Variants in EIF2S1 observed in about 807,000 individuals in gnomAD.
EIF2S1 encodes eukaryotic translation initiation factor 2 subunit 1.
EIF2S1 carries 5 observed loss-of-function variants against 33.5 expected under a neutral mutation model. The observed-to-expected ratio is 0.15, with a 90% CI of 0.08 to 0.31. The LOEUF (loss-of-function observed/expected upper bound fraction) is 0.31, where lower values mean the gene tolerates loss of function less well. Among genes scored for constraint, EIF2S1 ranks in the 10% least tolerant of loss-of-function variants. The pLI is 1.00. For missense variants in EIF2S1, 191 were observed against 384.6 expected (o/e 0.50, Z 4.21); for synonymous variants, 99 against 127.5 (o/e 0.78, Z 1.51).
At chr14:67,381,787 A>G (rs994597930) in intron 6 of EIF2S1, 97 bp downstream of exon 6, 5 of 870,174 alleles carry the variant, frequency 5.7e-6, no homozygotes, top group African/African-American at 5.1e-5. Context: ...ATCACATTTC[A>G]TAACAAAAGT....
At chr14:67,364,398 G>A (rs1028067825) in intron 1 of EIF2S1, 1 of 179,676 alleles carries the variant, frequency 5.6e-6, no homozygotes, top group Non-Finnish European at 1.2e-5. Context: ...TTTCTGATTA[G>A]TTATAATAGT....
chr14:67,379,258 A>G (rs192334076), intron 4 of EIF2S1, among the ~76,000 whole-genome samples: 32 of 152,354 alleles, frequency 2.1e-4, no homozygotes, highest in African/African-American at 6.0e-4. Context: ...GATTGATTAT[A>G]TATCTTTAAA....
intron 1 of EIF2S1, among the ~76,000 whole-genome samples, chr14:67,362,086 A>G (rs2085746625): frequency 6.9e-6 from 1 of 145,668 alleles, no homozygotes; most frequent in Non-Finnish European, 1.5e-5. Flanking sequence ...TAGTGGCACG[A>G]TCTCAGCTCA....
intron 2 of EIF2S1, among the ~76,000 whole-genome samples, chr14:67,372,594 G>T (rs762883476): frequency 2.6e-5 from 4 of 152,194 alleles, no homozygotes; most frequent in African/African-American, 4.8e-5. Context: ...ACTTTGGGAG[G>T]CCAAGGTGGG....
At chr14:67,365,322 T>C (rs764656974) in intron 2 of EIF2S1, among the ~76,000 whole-genome samples, 10 of 152,218 alleles carry the variant, frequency 6.6e-5, no homozygotes, top group Non-Finnish European at 1.3e-4. Context: ...TACTAGTTCA[T>C]TTACATTGGT....
intron 2 of EIF2S1, among the ~76,000 whole-genome samples, chr14:67,372,523 G>A (rs1029654907): frequency 2.0e-5 from 3 of 152,068 alleles, no homozygotes; most frequent in African/African-American, 7.2e-5. Context: ...AAAAACTCTT[G>A]AACAACCTAA....
At chr14:67,376,057 T>A (rs1298831869) in intron 3 of EIF2S1, among the ~76,000 whole-genome samples, 1 of 152,220 alleles carries the variant, frequency 6.6e-6, no homozygotes, top group African/African-American at 2.4e-5. Flanking sequence ...AAAAAAAATT[T>A]TTTTTATCGT....
rs537072424 is a variant in EIF2S1, at chr14:67,383,052, T to C, written c.823-263T>C. 1.1e-4 allele frequency among the ~76,000 whole-genome samples: 16 copies of C among 152,250 alleles called. No individual in the cohort carries two copies. In the South Asian group the frequency reaches 3.3e-3, roughly 32 times the overall value. On this transcript the variant is annotated intron_variant, in intron 7 of 7. Coordinates refer to ENST00000256383, the MANE Select transcript of EIF2S1 (RefSeq NM_004094.5). ...AGATACAGCCATTGGGGTTATTTCA[T>C]GTTTTCAGTTTTAGCTTATAAAAAT...
chr14:67,380,533 CTTAACTATTATATGCA>C, intron 4 of EIF2S1, 110 bp from the exon 5 acceptor site: 2 of 440,454 alleles, frequency 4.5e-6, no homozygotes, highest in South Asian at 1.0e-4. Flanking sequence ...ACACTAAAGC[CTTAACTATTATATGCA>C]TTAACTATTA....
intron 6 of EIF2S1, among the ~76,000 whole-genome samples, chr14:67,382,169 A>G (rs780115505): frequency 2.0e-5 from 3 of 152,044 alleles, no homozygotes; most frequent in East Asian, 1.9e-4. Context: ...TTAGCCACCA[A>G]AGATACACGG....
intron 2 of EIF2S1, among the ~76,000 whole-genome samples, chr14:67,365,500 T>C (rs2141128483): frequency 6.6e-6 from 1 of 152,358 alleles, no homozygotes; most frequent in Non-Finnish European, 1.5e-5. Flanking sequence ...CAACATTGTA[T>C]ATCTTGCTGG....
intron 2 of EIF2S1, among the ~76,000 whole-genome samples, chr14:67,372,568 C>T (rs990293074): frequency 6.6e-6 from 1 of 152,172 alleles, no homozygotes; most frequent in African/African-American, 2.4e-5. Context: ...CGGTGGCTCA[C>T]GCCTGTTATC....
chr14:67,371,529 A>T (rs2085821466), intron 2 of EIF2S1, among the ~76,000 whole-genome samples: 1 of 152,188 alleles, frequency 6.6e-6, no homozygotes, highest in South Asian at 2.1e-4. Flanking sequence ...AATTTCATAG[A>T]GTGTGCTGCT....
intron 1 of EIF2S1, chr14:67,360,719 C>T (rs2085730446): frequency 6.5e-6 from 1 of 152,850 alleles, no homozygotes; most frequent in Admixed American, 6.5e-5. Flanking sequence ...TGTACAGCCT[C>T]TACAATATGC....
rs571970152 is a variant in EIF2S1, at chr14:67,361,612, C to T, written c.-2+1156C>T. ...TCTATATCCATTATAGCAGTTTGAC[C>T]ATGCACTGTTTTGAGAAAGAAGTCC... On this transcript the variant is annotated intron_variant, in intron 1 of 7. Transcript: ENST00000256383. Among the ~76,000 whole-genome samples, 188 of 152,294 alleles carry T rather than the reference C, an allele frequency of 1.2e-3. 2 individuals carry two copies. Among genetic ancestry groups the T allele is most frequent in the Non-Finnish European group, 1.7e-3 (114 of 68,024 alleles).
chr14:67,364,987 A>C lies in EIF2S1; in HGVS notation c.220A>C (p.Ile74Leu). The change falls in exon 2 of 8, where the codon ATT becomes CTT. Residue 74 changes from isoleucine (I) to leucine (L), a missense_variant. Physicochemically the swap from Ile to Leu is conservative, Grantham distance 5. Transcript: ENST00000256383. ...RIGRNECVVV[I>L]RVDKEKGYID... The stretch of plus-strand genomic sequence containing the variant: ...TGGCAGGAATGAGTGTGTGGTTGTC[A>C]TTAGGGTGGACAAAGAAAAAGGTAA... 1 of 1,607,898 alleles carries C rather than the reference A, an allele frequency of 6.2e-7. No homozygotes were observed. Among genetic ancestry groups the C allele is most frequent in the Non-Finnish European group, 8.5e-7 (1 of 1,176,698 alleles).
chr14:67,382,819 A>G (rs1418830771), intron 7 of EIF2S1: 1 of 538,964 alleles, frequency 1.9e-6, no homozygotes, highest in Non-Finnish European at 3.3e-6. Context: ...GGCATGTCTA[A>G]AATTTGATCT....
At position 67,384,491 on chromosome 14, in the gene EIF2S1, GTTGCT is replaced by G. The variant is rs1244518214; in HGVS notation, c.*1055_*1059del. ...AGTAGTCAGGTGTAGAAAATCTTGA[GTTGCT>G]TTGGTCTGCTTGTCTTCATAAATTT... On this transcript the variant is annotated 3_prime_UTR_variant, in exon 8 of 8. Transcript: ENST00000256383. 1.3e-5 allele frequency: 2 copies of G among 151,818 alleles called. No homozygotes were observed. The allele number at this position is 151,818 out of a possible 1,614,324, so 9.4% of individuals were successfully genotyped here.
chr14:67,379,066 C>A (rs758288362), intron 4 of EIF2S1, among the ~76,000 whole-genome samples: 18 of 152,188 alleles, frequency 1.2e-4, no homozygotes, highest in Non-Finnish European at 2.4e-4. Context: ...ATATTAATCT[C>A]TATATAGTAT....
Sources: allele counts gnomAD v4.1 joint callset (sites outside exome capture counted in the v4.1 genomes callset), GRCh38; gene constraint gnomAD v4.1.1; transcripts MANE v1.5; gene names NCBI Gene and HGNC (gene_info 2026-07-23, HGNC 2026-07-21).